Variants in CDH23 observed in about 807,000 individuals in gnomAD.
The protein encoded by CDH23 is cadherin-23.
Under a neutral mutation model 317.1 loss-of-function variants are expected in CDH23, and 189 were observed. The ratio of observed to expected loss-of-function variants is 0.60; its 90% CI spans 0.53 to 0.67. The LOEUF is 0.67. Ranked by LOEUF, CDH23 falls within the 30% of genes least tolerant of loss-of-function variation. The pLI is 0.00. For synonymous variants in CDH23, 1,839 were observed against 1,876.8 expected (o/e 0.98, Z 0.52); for missense variants, 4,401 against 4,592.4 (o/e 0.96, Z 1.20).
intron 18 of CDH23, among the ~76,000 whole-genome samples, chr10:71,687,353 T>C (rs897931507): frequency 6.6e-6 from 1 of 152,082 alleles, no homozygotes; most frequent in Non-Finnish European, 1.5e-5. Context: ...CCTGGGGAGC[T>C]GGCAGCTGTC....
chr10:71,682,548 C>G lies in CDH23; in HGVS notation c.1962C>G (p.Thr654=), dbSNP rs371365429. The G allele has an allele frequency of 1.4e-5, 22 of 1,613,482 alleles. No homozygotes were observed. In the African/African-American group the frequency reaches 2.3e-4, roughly 17 times the overall value. The change falls in exon 18 of 70, where the codon ACC becomes ACG. Residue 654 remains threonine, a synonymous_variant. Transcript: ENST00000224721. ...MDAGNPPLNS[T]VPVTIEVFDE... ...CTGGCAACCCCCCTCTCAACAGCAC[C>G]GTCCCTGTCACCATCGAGGTGTTTG...
At chr10:71,651,673 G>A (rs7073328) in intron 14 of CDH23, among the ~76,000 whole-genome samples, 9,629 of 152,216 alleles carry the variant, frequency 0.063, 1,020 homozygotes, top group African/African-American at 0.22. Context: ...AAGCACAAGA[G>A]GCTTGGCTGT....
At chr10:71,716,814 C>G in intron 28 of CDH23, 1 of 159,812 alleles carries the variant, frequency 6.3e-6, no homozygotes, top group Non-Finnish European at 1.4e-5. Context: ...TTAGTTGGGT[C>G]CTTGCCATGT....
At chr10:71,431,270 G>GT (rs1849359113) in intron 1 of CDH23, among the ~76,000 whole-genome samples, 1 of 152,214 alleles carries the variant, frequency 6.6e-6, no homozygotes, top group African/African-American at 2.4e-5. Context: ...GCTGATGTCT[G>GT]TGGCTCCCCA....
chr10:71,424,591 G>T (rs1276040952), intron 1 of CDH23, among the ~76,000 whole-genome samples: 1 of 152,224 alleles, frequency 6.6e-6, no homozygotes, highest in Non-Finnish European at 1.5e-5. Context: ...GCTGGCTGGT[G>T]GGGCTGTGCC....
chr10:71,474,833 G>A (rs540321049), intron 3 of CDH23, among the ~76,000 whole-genome samples: 15 of 152,340 alleles, frequency 9.8e-5, no homozygotes, highest in Non-Finnish European at 2.2e-4. Flanking sequence ...CTAGCAGGCC[G>A]AGCCCCCAGC....
intron 38 of CDH23, among the ~76,000 whole-genome samples, chr10:71,772,575 G>C (rs1840712591): frequency 6.6e-6 from 1 of 152,244 alleles, no homozygotes; most frequent in Non-Finnish European, 1.5e-5. Flanking sequence ...ACTTTGGAAG[G>C]GGAAAATGGT....
Position 71,812,586 on chromosome 10 carries a change from TG to T in CDH23, c.9489del (p.Trp3163Ter), listed in dbSNP as rs1841976391. On this transcript the variant is annotated frameshift_variant, in exon 67 of 70. Coordinates refer to ENST00000224721, the MANE Select transcript of CDH23 (RefSeq NM_022124.6). LOFTEE classifies it high-confidence loss of function. Reference sequence around the variant, plus strand: ...GAACCTGAGTGAGATCGCCGACCTGTGGAACAGCCCCACGCGCACCCATGTG... The same window carrying T: ...GAACCTGAGTGAGATCGCCGACCTGTGAACAGCCCCACGCGCACCCATGTG... ...PENLSEIADLWNSPTRTHGTF... is the reference protein window; with the variant it reads ...PENLSEIADLXNSPTRTHGTF... 1.2e-6 allele frequency: 2 copies of T among 1,613,930 alleles called. No individual in the cohort carries two copies. The highest frequency in any genetic ancestry group is 1.7e-6 in the Non-Finnish European group (2 of 1,179,888).
In CDH23 at chr10:71,815,345, A is replaced by AGGGACAGGGCC; in HGVS notation, c.*70_*80dup. On this transcript the variant is annotated 3_prime_UTR_variant, in exon 70 of 70. Coordinates refer to ENST00000224721, the MANE Select transcript of CDH23 (RefSeq NM_022124.6). ...CCGTCCCCTCCCAGGGAGCAAGGGC[A>AGGGACAGGGCC]GGGACAGGGCCGGTCGGGGGGGACC... The AGGGACAGGGCC allele has an allele frequency of 7.0e-7, 1 of 1,435,402 alleles. No individual in the cohort carries two copies. Among genetic ancestry groups the AGGGACAGGGCC allele is most frequent in the Non-Finnish European group, 9.3e-7 (1 of 1,072,832 alleles). 88.9% of individuals were successfully genotyped at this position (1,435,402 alleles called of 1,614,324 possible).
intron 1 of CDH23, among the ~76,000 whole-genome samples, chr10:71,401,688 T>C (rs564441684): frequency 6.6e-6 from 1 of 152,070 alleles, no homozygotes; most frequent in East Asian, 1.9e-4. Flanking sequence ...TGGGGAGAAC[T>C]GAAAAGCATA....
chr10:71,645,717 C>A, intron 12 of CDH23, 114 bp from the exon 13 acceptor site: 1 of 1,235,342 alleles, frequency 8.1e-7, no homozygotes, highest in Non-Finnish European at 1.2e-6. Context: ...TCATCCATTG[C>A]CCCAACCAAA....
intron 38 of CDH23, chr10:71,753,899 G>A (rs1840068064): frequency 1.1e-5 from 5 of 456,184 alleles, no homozygotes; most frequent in Non-Finnish European, 1.8e-5. Flanking sequence ...AGGTGCACAC[G>A]GGTATTCCCT....
intron 38 of CDH23, among the ~76,000 whole-genome samples, chr10:71,759,012 G>A (rs1323596354): frequency 6.6e-6 from 1 of 151,774 alleles, no homozygotes; most frequent in African/African-American, 2.4e-5. Context: ...TGGGATTACA[G>A]ATGCCTGCCA....
chr10:71,772,162 C>T (rs2132913657), intron 38 of CDH23, among the ~76,000 whole-genome samples: 1 of 152,340 alleles, frequency 6.6e-6, no homozygotes, highest in South Asian at 2.1e-4. Context: ...GTGTCTGTGA[C>T]ATGTGGAGCC....
In CDH23 at chr10:71,731,993, G is replaced by C. The variant is rs571660083; in HGVS notation, c.3722G>C (p.Gly1241Ala). The change falls in exon 32 of 70, where the codon GGT (glycine) becomes GCT (alanine). Residue 1241 changes from glycine (G) to alanine (A), a missense_variant. Physicochemically the swap from Gly to Ala is moderately conservative, Grantham distance 60. Around this residue, in one of 3 missense-constraint regions of CDH23, gnomAD observed 3,068 missense variants for 3,203.3 expected, o/e 0.96. Transcript: ENST00000224721. ...VQATDRDSGDGGLVNYRILSG... is the reference protein window; with the variant it reads ...VQATDRDSGDAGLVNYRILSG... ...CCTCTGTGTCCTCCTACAGGGGATG[G>C]TGGCCTGGTGAACTACCGCATCCTG... The C allele has an allele frequency of 6.2e-7, 1 of 1,613,448 alleles. No individual in the cohort carries two copies. The highest frequency in any genetic ancestry group is 1.3e-5 in the African/African-American group (1 of 75,042).
At chr10:71,467,907 A>C (rs1851330819) in intron 3 of CDH23, among the ~76,000 whole-genome samples, 1 of 152,030 alleles carries the variant, frequency 6.6e-6, no homozygotes, top group Non-Finnish European at 1.5e-5. Context: ...TCTGCTCCCC[A>C]CTTCTCCCAC....
At chr10:71,597,581 A>T (rs1274903973) in intron 9 of CDH23, among the ~76,000 whole-genome samples, 1 of 151,914 alleles carries the variant, frequency 6.6e-6, no homozygotes, top group East Asian at 1.9e-4. Flanking sequence ...GGCTCCTTTC[A>T]GTGCAGGAGG....
At chr10:71,765,621 G>C (rs1285820062) in intron 38 of CDH23, among the ~76,000 whole-genome samples, 2 of 152,136 alleles carry the variant, frequency 1.3e-5, no homozygotes, top group Non-Finnish European at 2.9e-5. Flanking sequence ...TTCTCCCCTG[G>C]AGGCAACTTC....
At chr10:71,542,727 T>C (rs569942382) in intron 6 of CDH23, among the ~76,000 whole-genome samples, 5 of 152,342 alleles carry the variant, frequency 3.3e-5, no homozygotes, top group African/African-American at 1.2e-4. Flanking sequence ...CCTGGTGCCC[T>C]GAGGGAGAGA....
Sources: allele counts gnomAD v4.1 joint callset (sites outside exome capture counted in the v4.1 genomes callset), GRCh38; gene constraint gnomAD v4.1.1; regional missense constraint gnomAD v4.1.1; transcripts MANE v1.5; gene names NCBI Gene and HGNC (gene_info 2026-07-23, HGNC 2026-07-21).